GRIA1: variants seen among roughly 807,000 people sequenced by gnomAD.
The protein encoded by GRIA1 is glutamate ionotropic receptor AMPA type subunit 1.
Under a neutral mutation model 99.2 loss-of-function variants are expected in GRIA1, and 31 were observed. The ratio of observed to expected loss-of-function variants is 0.31; its 90% CI spans 0.23 to 0.42. The LOEUF (loss-of-function observed/expected upper bound fraction) is 0.42. GRIA1 is among the 10% of genes least tolerant of loss of function. The probability of loss-of-function intolerance (pLI) is 1.00; values close to 1 mark genes in which losing one functional copy is unlikely to be tolerated. For missense variants in GRIA1, 782 were observed against 1,157.5 expected, an observed-to-expected ratio of 0.68 and a Z score of 4.71; for synonymous variants, 438 against 432.4, an observed-to-expected ratio of 1.01 and a Z score of -0.16.
intron 5 of GRIA1, among the ~76,000 whole-genome samples, chr5:153,672,150 A>G (rs1012799393): frequency 1.3e-5 from 2 of 152,312 alleles, no homozygotes; most frequent in Admixed American, 1.3e-4. Context: ...CCCTGAGGGG[A>G]TCCCAACATG....
rs780354314 is a variant in GRIA1 at position 153,541,669 on chromosome 5, C to T, written c.220+47604C>T. Among the ~76,000 whole-genome samples the T allele has an allele frequency of 9.9e-5, 15 of 152,082 alleles. No homozygotes were observed. The South Asian group carries it at 2.3e-3, about 23-fold the overall frequency. On this transcript the variant is annotated intron_variant, in intron 2 of 15. Transcript: ENST00000285900. ...AGAAAAGGCCGGACACTGTGGCTCA[C>T]GCCTGTAATCCCAGCACTTTGGGAG...
At chr5:153,733,965 A>G (rs114699114) in intron 11 of GRIA1, among the ~76,000 whole-genome samples, 2,227 of 152,326 alleles carry the variant, frequency 0.015, 16 homozygotes, top group Middle Eastern at 0.027. Context: ...AGAAAAATCC[A>G]TAAGGAAACA....
rs764951842 is a variant in GRIA1 at position 153,698,124 on chromosome 5, G to C, written c.1215G>C (p.Gln405His). 1.2e-6 allele frequency: 2 copies of C among 1,605,502 alleles called. No individual in the cohort carries two copies. The highest frequency in any genetic ancestry group is 3.3e-5 in the Admixed American group (2 of 60,002). Residue 405 changes from glutamine to histidine, a missense_variant, in exon 9 of 16, where the codon CAG becomes CAC. By Grantham distance (24) the Gln-to-His change is conservative. Around this residue, in one of 5 missense-constraint regions of GRIA1, gnomAD observed 461 missense variants for 521.7 expected, o/e 0.88. Transcript: ENST00000285900. The stretch of plus-strand genomic sequence containing the variant: ...CTGGGGGCGATAATTCAAGTGTTCA[G>C]AACAGAACATACATCGTCACAACAA... Reference protein sequence around the residue: ...AQAGGDNSSVQNRTYIVTTIL... With the variant: ...AQAGGDNSSVHNRTYIVTTIL...
chr5:153,799,457 G>A (rs948819803), intron 14 of GRIA1, among the ~76,000 whole-genome samples: 15 of 152,130 alleles, frequency 9.9e-5, no homozygotes, highest in African/African-American at 3.4e-4. Context: ...CTAATGACAC[G>A]CTTAAAGGGA....
At chr5:153,671,666 G>T (rs1756186204) in intron 5 of GRIA1, among the ~76,000 whole-genome samples, 1 of 152,176 alleles carries the variant, frequency 6.6e-6, no homozygotes, top group African/African-American at 2.4e-5. Context: ...CTGCCTGCTG[G>T]TCATATTTCT....
At chr5:153,736,380 G>T (rs1196258715) in intron 11 of GRIA1, among the ~76,000 whole-genome samples, 1 of 152,300 alleles carries the variant, frequency 6.6e-6, no homozygotes, top group South Asian at 2.1e-4. Context: ...TAAGACAAGA[G>T]AAGAAGCATT....
chr5:153,662,804 G>A (rs1203646632), intron 5 of GRIA1, among the ~76,000 whole-genome samples: 1 of 152,174 alleles, frequency 6.6e-6, no homozygotes, highest in Non-Finnish European at 1.5e-5. Context: ...ATGCCTCTGT[G>A]TTGAGGGTGG....
chr5:153,676,427 G>A (rs1025383854), intron 6 of GRIA1, among the ~76,000 whole-genome samples: 5 of 152,182 alleles, frequency 3.3e-5, no homozygotes, highest in African/African-American at 1.2e-4. Context: ...GAGAAAGAAT[G>A]AGGGGAAAGT....
chr5:153,634,884 C>T (rs1753238128), intron 2 of GRIA1, among the ~76,000 whole-genome samples: 1 of 152,186 alleles, frequency 6.6e-6, no homozygotes, highest in Non-Finnish European at 1.5e-5. Flanking sequence ...TGAAGTGGGA[C>T]TTAGTTTCTG....
chr5:153,588,259 C>T (rs1004427756), intron 2 of GRIA1, among the ~76,000 whole-genome samples: 1 of 152,112 alleles, frequency 6.6e-6, no homozygotes, highest in Non-Finnish European at 1.5e-5. Context: ...ACCTAGTCTC[C>T]CCTTCTGGCT....
intron 2 of GRIA1, chr5:153,557,946 A>G (rs1053771879): frequency 9.9e-5 from 15 of 152,240 alleles, no homozygotes; most frequent in Non-Finnish European, 1.8e-4. Context: ...AGTGCACTGT[A>G]AAATAACAAC....
chr5:153,520,318 G>T (rs1344660068), intron 2 of GRIA1, among the ~76,000 whole-genome samples: 1 of 152,208 alleles, frequency 6.6e-6, no homozygotes, highest in Non-Finnish European at 1.5e-5. Context: ...CAAATTGCTA[G>T]CTCTCTCAGG....
At chr5:153,648,431 C>T (rs970407018) in intron 3 of GRIA1, among the ~76,000 whole-genome samples, 5 of 152,170 alleles carry the variant, frequency 3.3e-5, no homozygotes, top group African/African-American at 1.2e-4. Context: ...CTCAAAAGAG[C>T]TCCACCTACC....
At chr5:153,641,734 C>A (rs1021302988) in intron 2 of GRIA1, among the ~76,000 whole-genome samples, 3 of 152,236 alleles carry the variant, frequency 2.0e-5, no homozygotes, top group Non-Finnish European at 4.4e-5. Context: ...GCTGATTCCT[C>A]CTTATCTTTC....
At chr5:153,553,505 T>C (rs1488441675) in intron 2 of GRIA1, among the ~76,000 whole-genome samples, 2 of 152,182 alleles carry the variant, frequency 1.3e-5, no homozygotes, top group Non-Finnish European at 2.9e-5. Flanking sequence ...TATGTGCTGG[T>C]GTGCTTCGGG....
At chr5:153,794,374 CA>C (rs1765502690) in intron 13 of GRIA1, among the ~76,000 whole-genome samples, 1 of 152,210 alleles carries the variant, frequency 6.6e-6, no homozygotes, top group South Asian at 2.1e-4. Context: ...CCATTGCTTT[CA>C]AAATACCCAA....
At chr5:153,520,610 A>G (rs964771282) in intron 2 of GRIA1, among the ~76,000 whole-genome samples, 2 of 152,140 alleles carry the variant, frequency 1.3e-5, no homozygotes, top group Non-Finnish European at 2.9e-5. Flanking sequence ...AATGGAAGGA[A>G]TAAAAGACAG....
chr5:153,701,664 T>G (rs1318782035), intron 10 of GRIA1, among the ~76,000 whole-genome samples: 1 of 128,820 alleles, frequency 7.8e-6, no homozygotes, highest in Non-Finnish European at 1.7e-5. Context: ...GAAGACTCTG[T>G]GATGGCCCCA....
At chr5:153,654,262 T>C (rs1363354085) in intron 4 of GRIA1, among the ~76,000 whole-genome samples, 1 of 152,034 alleles carries the variant, frequency 6.6e-6, no homozygotes, top group Admixed American at 6.6e-5. Context: ...GATGGGAAGG[T>C]TGGTATCAGG....
Sources: gnomAD v4.1 joint callset for allele counts (sites outside exome capture counted in the v4.1 genomes callset) on GRCh38, gnomAD v4.1.1 for gene constraint, gnomAD v4.1.1 regional missense constraint, MANE v1.5 for transcripts, NCBI Gene and HGNC (gene_info 2026-07-23, HGNC 2026-07-21) for gene names.